Variants in MACROD2 observed in about 807,000 individuals in gnomAD.
MACROD2 encodes the protein mono-ADP ribosylhydrolase 2, also known as ADP-ribose glycohydrolase MACROD2.
In MACROD2, 36 loss-of-function variants were observed where a neutral mutation model predicts 70.4. That is an observed-to-expected ratio of 0.51 (90% CI 0.39 to 0.68). The LOEUF is 0.68. MACROD2 is among the 30% of genes least tolerant of loss of function. The pLI is 0.00. For synonymous variants in MACROD2, 172 were observed against 178.8 expected, an observed-to-expected ratio of 0.96 and a Z score of 0.30; for missense variants, 496 against 538.4, an observed-to-expected ratio of 0.92 and a Z score of 0.78.
chr20:15,327,543 G>A (rs1568724388), intron 6 of MACROD2, among the ~76,000 whole-genome samples: 1 of 152,022 alleles, frequency 6.6e-6, no homozygotes, highest in African/African-American at 2.4e-5. Flanking sequence ...AGCAAAAGGG[G>A]GAAAAGCCCC....
intron 6 of MACROD2, among the ~76,000 whole-genome samples, chr20:15,281,522 G>C (rs973829761): frequency 5.9e-5 from 9 of 152,198 alleles, no homozygotes; most frequent in Admixed American, 2.6e-4. Context: ...CAGGCTCCAT[G>C]CAAGTCTGAA....
chr20:14,992,329 T>G (rs2074911920), intron 5 of MACROD2, among the ~76,000 whole-genome samples: 1 of 152,296 alleles, frequency 6.6e-6, no homozygotes, highest in Admixed American at 6.5e-5. Context: ...AATGTAGGTG[T>G]TGTAACACAT....
At chr20:15,587,808 T>C (rs1038162107) in intron 8 of MACROD2, among the ~76,000 whole-genome samples, 9 of 152,248 alleles carry the variant, frequency 5.9e-5, no homozygotes, top group African/African-American at 2.2e-4. Context: ...TCTGTCCCTG[T>C]CGCTTTGCAG....
chr20:14,364,678 G>T (rs545872466), intron 3 of MACROD2, among the ~76,000 whole-genome samples: 1 of 152,270 alleles, frequency 6.6e-6, no homozygotes, highest in Admixed American at 6.5e-5. Flanking sequence ...TTGCCAGTCA[G>T]GATATTTCAC....
At chr20:15,743,212 G>A (rs1024854837) in intron 8 of MACROD2, among the ~76,000 whole-genome samples, 5 of 152,020 alleles carry the variant, frequency 3.3e-5, no homozygotes, top group African/African-American at 4.8e-5. Context: ...ACATTTCAGC[G>A]GGCAAAGAAT....
intron 6 of MACROD2, among the ~76,000 whole-genome samples, chr20:15,341,156 A>G (rs1238144024): frequency 6.6e-6 from 1 of 152,168 alleles, no homozygotes; most frequent in Non-Finnish European, 1.5e-5. Context: ...CCTCACATCC[A>G]CACTCATTCA....
chr20:14,444,825 CTG>C (rs1162719483), intron 3 of MACROD2, among the ~76,000 whole-genome samples: 1 of 151,724 alleles, frequency 6.6e-6, no homozygotes, highest in East Asian at 1.9e-4. Flanking sequence ...TCTACCATCT[CTG>C]TGTGTGTGTA....
intron 4 of MACROD2, among the ~76,000 whole-genome samples, chr20:14,608,562 A>T (rs1198826008): frequency 6.6e-6 from 1 of 152,178 alleles, no homozygotes; most frequent in Non-Finnish European, 1.5e-5. Context: ...TCATTTATTC[A>T]TTTAACTGAT....
intron 5 of MACROD2, among the ~76,000 whole-genome samples, chr20:14,767,815 G>T (rs111545504): frequency 0.053 from 7,985 of 151,336 alleles, 334 homozygotes; most frequent in East Asian, 0.17. Flanking sequence ...GACAGGCCCC[G>T]GTGTGTGATT....
chr20:14,449,991 A>G (rs2084226980), intron 3 of MACROD2, among the ~76,000 whole-genome samples: 1 of 152,076 alleles, frequency 6.6e-6, no homozygotes, highest in African/African-American at 2.4e-5. Context: ...GAAGCCCTGG[A>G]AAGACTGAAG....
At chr20:15,529,097 G>A (rs1041066451) in intron 8 of MACROD2, among the ~76,000 whole-genome samples, 2 of 152,224 alleles carry the variant, frequency 1.3e-5, no homozygotes, top group Admixed American at 6.5e-5. Flanking sequence ...ACTGCTCCAC[G>A]TGATTGATCA....
chr20:15,116,487 A>G (rs1000507428), intron 5 of MACROD2, among the ~76,000 whole-genome samples: 1 of 152,156 alleles, frequency 6.6e-6, no homozygotes, highest in African/African-American at 2.4e-5. Flanking sequence ...TACTAAAAAT[A>G]CAAAAAAATT....
chr20:15,274,331 C>T (rs1202886313), intron 6 of MACROD2, among the ~76,000 whole-genome samples: 1 of 152,194 alleles, frequency 6.6e-6, no homozygotes, highest in Non-Finnish European at 1.5e-5. Flanking sequence ...TCCTGTGGCT[C>T]AATACCCATT....
chr20:14,338,727 A>G (rs2082979638), intron 3 of MACROD2, among the ~76,000 whole-genome samples: 1 of 152,168 alleles, frequency 6.6e-6, no homozygotes, highest in Admixed American at 6.6e-5. Context: ...TTTTAGTTTA[A>G]TTTAGGTACA....
chr20:15,514,121 A>G (rs1251015607), intron 8 of MACROD2, among the ~76,000 whole-genome samples: 2 of 152,238 alleles, frequency 1.3e-5, no homozygotes, highest in African/African-American at 4.8e-5. Context: ...TGTTATTACA[A>G]GAGTCAAAAG....
intron 4 of MACROD2, among the ~76,000 whole-genome samples, chr20:14,542,772 G>A (rs1006403875): frequency 6.6e-6 from 1 of 151,998 alleles, no homozygotes; most frequent in Non-Finnish European, 1.5e-5. Context: ...TGGGTACATC[G>A]GATTTTACTC....
chr20:15,771,086 G>GAAGCAA (rs2051616913), intron 8 of MACROD2, among the ~76,000 whole-genome samples: 1 of 152,098 alleles, frequency 6.6e-6, no homozygotes. Flanking sequence ...TTCAGAAACT[G>GAAGCAA]ACAGGAATGA....
chr20:14,052,834 T>C (rs963724455), intron 2 of MACROD2, among the ~76,000 whole-genome samples: 1 of 152,126 alleles, frequency 6.6e-6, no homozygotes, highest in Non-Finnish European at 1.5e-5. Flanking sequence ...TTTTAAATGA[T>C]AATATAAAAA....
At chr20:15,771,474 C>T (rs74179788) in intron 8 of MACROD2, among the ~76,000 whole-genome samples, 36 of 151,740 alleles carry the variant, frequency 2.4e-4, no homozygotes, top group Non-Finnish European at 4.4e-4. Flanking sequence ...TGAACCATCA[C>T]GCCCTGCCAG....
Sources: allele counts gnomAD v4.1 joint callset (sites outside exome capture counted in the v4.1 genomes callset), GRCh38; gene constraint gnomAD v4.1.1; transcripts MANE v1.5; gene names NCBI Gene and HGNC (gene_info 2026-07-23, HGNC 2026-07-21).